Variants in COL26A1 observed in about 807,000 individuals in gnomAD.
COL26A1 encodes the protein collagen type XXVI alpha 1 chain.
COL26A1 carries 41 observed loss-of-function variants against 59.3 expected under a neutral mutation model. The ratio of observed to expected loss-of-function variants is 0.69; its 90% CI spans 0.54 to 0.90. COL26A1 has a LOEUF of 0.90. Among genes scored for constraint, COL26A1 ranks in the 40% least tolerant of loss-of-function variants. COL26A1 has a pLI of 0.00. For synonymous variants in COL26A1, 266 were observed against 256.0 expected, an observed-to-expected ratio of 1.04 and a Z score of -0.37; for missense variants, 612 against 602.3, an observed-to-expected ratio of 1.02 and a Z score of -0.17.
At chr7:101,406,473 A>G (rs753583032) in intron 1 of COL26A1, among the ~76,000 whole-genome samples, 13 of 152,072 alleles carry the variant, frequency 8.5e-5, no homozygotes, top group African/African-American at 1.9e-4. Context: ...ATTTGTGCCA[A>G]TTTGCTCGAT....
At chr7:101,421,196 C>T (rs2130281521) in intron 2 of COL26A1, among the ~76,000 whole-genome samples, 1 of 152,252 alleles carries the variant, frequency 6.6e-6, no homozygotes, top group Non-Finnish European at 1.5e-5. Flanking sequence ...TCCAAACCTG[C>T]AGGGTGGGCT....
At chr7:101,452,383 G>A (rs909899654) in intron 3 of COL26A1, among the ~76,000 whole-genome samples, 11 of 152,172 alleles carry the variant, frequency 7.2e-5, no homozygotes, top group African/African-American at 2.7e-4. Context: ...GGGTGACTGT[G>A]AGCTGGTGAA....
At chr7:101,551,302 G>A (rs538810238) in intron 10 of COL26A1, among the ~76,000 whole-genome samples, 159 bp downstream of exon 10, 44 of 152,262 alleles carry the variant, frequency 2.9e-4, no homozygotes, top group African/African-American at 9.4e-4. Flanking sequence ...GACTCAAATC[G>A]CCTCCTGCTG....
At chr7:101,379,326 T>C (rs927509970) in intron 1 of COL26A1, among the ~76,000 whole-genome samples, 1 of 152,114 alleles carries the variant, frequency 6.6e-6, no homozygotes. Context: ...AACATGTGTG[T>C]CTACCAGGGC....
chr7:101,393,458 C>G (rs796743763), intron 1 of COL26A1, among the ~76,000 whole-genome samples: 4 of 152,202 alleles, frequency 2.6e-5, no homozygotes, highest in African/African-American at 9.6e-5. Flanking sequence ...ATTTTTCTAC[C>G]TGCTTTATAT....
chr7:101,504,329 G>A (rs948441759), intron 3 of COL26A1, among the ~76,000 whole-genome samples: 2 of 152,114 alleles, frequency 1.3e-5, no homozygotes, highest in African/African-American at 4.8e-5. Flanking sequence ...TCAAACTCCT[G>A]ACCTCAAATG....
chr7:101,428,442 C>T (rs1295259560), intron 2 of COL26A1, among the ~76,000 whole-genome samples: 1 of 151,080 alleles, frequency 6.6e-6, no homozygotes, highest in Non-Finnish European at 1.5e-5. Flanking sequence ...GTAAATGATG[C>T]GGGTATTCAG....
In COL26A1 at chr7:101,553,353, GGAGA is replaced by G. The variant is rs768034649; in HGVS notation, c.1060_1063del (p.Glu354LysfsTer13). ...TGAACCTGGCGTGAAGGGGGAAGAA[GGAGA>G]GAAAGCCGCCACTGCAGAGGTAACC... On this transcript the variant is annotated frameshift_variant, in exon 11 of 13. Coordinates refer to ENST00000313669, the MANE Select transcript of COL26A1 (RefSeq NM_001278563.3). LOFTEE classifies it high-confidence loss of function. 1 of 1,613,712 alleles carries G rather than the reference GGAGA, an allele frequency of 6.2e-7. No individual in the cohort carries two copies. The highest frequency in any genetic ancestry group is 1.3e-5 in the African/African-American group (1 of 74,928).
At chr7:101,495,569 A>C (rs971544034) in intron 3 of COL26A1, among the ~76,000 whole-genome samples, 3 of 151,800 alleles carry the variant, frequency 2.0e-5, no homozygotes, top group Non-Finnish European at 4.4e-5. Context: ...CCACCATGCC[A>C]GGCTATTTTT....
At chr7:101,480,071 C>T (rs1794124264) in intron 3 of COL26A1, among the ~76,000 whole-genome samples, 1 of 152,178 alleles carries the variant, frequency 6.6e-6, no homozygotes, top group East Asian at 1.9e-4. Context: ...AGTCCTTCCA[C>T]CTCAGCCTTC....
At chr7:101,548,712 G>A (rs1795791461) in intron 8 of COL26A1, among the ~76,000 whole-genome samples, 1 of 152,114 alleles carries the variant, frequency 6.6e-6, no homozygotes, top group Non-Finnish European at 1.5e-5. Flanking sequence ...CCCTGAAAGG[G>A]ATGTAACTGG....
chr7:101,459,981 G>A (rs1158121286), intron 3 of COL26A1, among the ~76,000 whole-genome samples: 1 of 152,136 alleles, frequency 6.6e-6, no homozygotes, highest in Non-Finnish European at 1.5e-5. Flanking sequence ...GAAGGAGTTA[G>A]TTCTCCTGAG....
At chr7:101,460,467 T>C (rs1793583215) in intron 3 of COL26A1, among the ~76,000 whole-genome samples, 1 of 152,022 alleles carries the variant, frequency 6.6e-6, no homozygotes, top group African/African-American at 2.4e-5. Flanking sequence ...CTAAGGATAC[T>C]CCAGCATCTC....
chr7:101,504,717 C>T (rs1049568366), intron 3 of COL26A1, among the ~76,000 whole-genome samples: 2 of 152,196 alleles, frequency 1.3e-5, no homozygotes, highest in African/African-American at 4.8e-5. Flanking sequence ...GTCGTCCACA[C>T]GATGCTGCTG....
At chr7:101,368,640 C>T (rs1562950430) in intron 1 of COL26A1, among the ~76,000 whole-genome samples, 1 of 152,078 alleles carries the variant, frequency 6.6e-6, no homozygotes, top group African/African-American at 2.4e-5. Context: ...CATGGAAAGG[C>T]ATGGTAACTT....
At chr7:101,399,484 T>G (rs995536178) in intron 1 of COL26A1, among the ~76,000 whole-genome samples, 1 of 152,026 alleles carries the variant, frequency 6.6e-6, no homozygotes, top group Non-Finnish European at 1.5e-5. Context: ...CCACCACACC[T>G]GGCTAATTTT....
intron 1 of COL26A1, among the ~76,000 whole-genome samples, chr7:101,368,926 A>AAAC (rs5886177): frequency 0.53 from 79,761 of 150,842 alleles, 22,803 homozygotes; most frequent in African/African-American, 0.77. Context: ...CCAAAAAAAA[A>AAAC]AATTCTTTTT....
At chr7:101,539,862 G>A (rs1417929108) in intron 4 of COL26A1, 31 bp from the exon 5 acceptor site, 2 of 1,596,366 alleles carry the variant, frequency 1.3e-6, no homozygotes, top group Non-Finnish European at 1.7e-6. Flanking sequence ...AGGCCCAACT[G>A]GGACCTGACT....
intron 1 of COL26A1, among the ~76,000 whole-genome samples, chr7:101,406,206 T>C (rs1792125239): frequency 6.6e-6 from 1 of 152,186 alleles, no homozygotes; most frequent in Admixed American, 6.5e-5. Context: ...ACCTTAACTT[T>C]TCAATTCCTT....
Sources: allele counts gnomAD v4.1 joint callset (sites outside exome capture counted in the v4.1 genomes callset), GRCh38; gene constraint gnomAD v4.1.1; transcripts MANE v1.5; gene names NCBI Gene and HGNC (gene_info 2026-07-23, HGNC 2026-07-21).